Variants in CNTNAP3B observed in about 807,000 individuals in gnomAD.
CNTNAP3B encodes contactin-associated protein-like 3B.
In CNTNAP3B, 25 loss-of-function variants were observed where a neutral mutation model predicts 108.9. The ratio of observed to expected loss-of-function variants is 0.23; its 90% CI spans 0.17 to 0.32. The LOEUF (loss-of-function observed/expected upper bound fraction) is 0.32, where lower values mean the gene tolerates loss of function less well. Among genes scored for constraint, CNTNAP3B ranks in the 10% least tolerant of loss-of-function variants. The pLI is 1.00. For synonymous variants in CNTNAP3B, 103 were observed against 473.4 expected, an observed-to-expected ratio of 0.22 and a Z score of 10.16; for missense variants, 252 against 1,210.4, an observed-to-expected ratio of 0.21 and a Z score of 11.75.
Position 41,997,661 on chromosome 9 carries a change from C to T in CNTNAP3B, c.834G>A (p.Glu278=), listed in dbSNP as rs753547193. The part of the protein sequence containing the change: ...DDQHWHSVLI[E]LLDTQVNFTV... ...TGAAGTTGACCTGCGTGTCGAGGAGCTCGATGAGGACGGAATGCCAGTGCT... is the reference window on the plus strand; with the variant it reads ...TGAAGTTGACCTGCGTGTCGAGGAGTTCGATGAGGACGGAATGCCAGTGCT... Residue 278 remains glutamate (E), a synonymous_variant, in exon 6 of 24, where the codon GAG becomes GAA. Coordinates refer to ENST00000377561, the MANE Select transcript of CNTNAP3B (RefSeq NM_001201380.3). The T allele has an allele frequency of 6.2e-7, 1 of 1,606,472 alleles. No individual in the cohort carries two copies. The highest frequency in any genetic ancestry group is 1.4e-5 in the African/African-American group (1 of 72,864).
At chr9:41,977,330 C>A (rs1825539135) in intron 9 of CNTNAP3B, among the ~76,000 whole-genome samples, 2 of 150,102 alleles carry the variant, frequency 1.3e-5, no homozygotes, top group Admixed American at 1.3e-4. Flanking sequence ...CATTCTTATC[C>A]CTTTTAGTGC....
intron 14 of CNTNAP3B, among the ~76,000 whole-genome samples, chr9:41,935,247 G>C (rs1475465305): frequency 2.0e-5 from 3 of 152,184 alleles, no homozygotes; most frequent in African/African-American, 7.2e-5. Flanking sequence ...TTTTTTTTAA[G>C]TAATATGCTT....
Position 41,944,734 on chromosome 9 carries a change from G to A in CNTNAP3B, c.2081-6334C>T, listed in dbSNP as rs1348020138. 4.6e-5 allele frequency among the ~76,000 whole-genome samples: 7 copies of A among 152,140 alleles called. No homozygotes were observed. The East Asian group carries it at 1.2e-3, about 25-fold the overall frequency. On this transcript the variant is annotated intron_variant, in intron 13 of 23. Transcript: ENST00000377561. ...TAAACAGTCTAAATATACCAATTAA[G>A]AAAGCAATGGCAACAAAAGCCAAAA...
chr9:42,086,379 A>AAT (rs570448707), intron 2 of CNTNAP3B, among the ~76,000 whole-genome samples: 3,424 of 125,720 alleles, frequency 0.027, 167 homozygotes, highest in Non-Finnish European at 0.039. Flanking sequence ...TGTTGCTATG[A>AAT]ATATATATAT....
chr9:42,059,673 G>T (rs554854750), intron 3 of CNTNAP3B, among the ~76,000 whole-genome samples: 1 of 47,136 alleles, frequency 2.1e-5, no homozygotes, highest in African/African-American at 6.5e-5. Context: ...GCTCACTGCC[G>T]CCTGAACCTC....
chr9:41,959,697 C>CG (rs1825001042), intron 12 of CNTNAP3B, among the ~76,000 whole-genome samples: 1 of 152,312 alleles, frequency 6.6e-6, no homozygotes, highest in Non-Finnish European at 1.5e-5. Context: ...TTCTGAACAT[C>CG]CCCTGTAAAG....
intron 13 of CNTNAP3B, among the ~76,000 whole-genome samples, chr9:41,942,247 G>A (rs1224804440): frequency 1.7e-3 from 253 of 152,264 alleles, no homozygotes; most frequent in African/African-American, 5.3e-3. Context: ...AGGCCGAGGC[G>A]GGCAGATCAT....
intron 14 of CNTNAP3B, among the ~76,000 whole-genome samples, chr9:41,935,614 C>T (rs1490375561): frequency 6.6e-6 from 1 of 152,266 alleles, no homozygotes; most frequent in Non-Finnish European, 1.5e-5. Context: ...TAATTTCCCA[C>T]CCCCATACAC....
intron 12 of CNTNAP3B, among the ~76,000 whole-genome samples, chr9:41,958,134 G>A (rs1287233426): frequency 1.3e-5 from 2 of 152,062 alleles, no homozygotes; most frequent in African/African-American, 4.8e-5. Flanking sequence ...TGGAGACAAG[G>A]TCTTTCTCTG....
chr9:42,089,871 C>T (rs1361659390), intron 2 of CNTNAP3B, among the ~76,000 whole-genome samples: 16 of 140,002 alleles, frequency 1.1e-4, no homozygotes, highest in South Asian at 4.6e-4. Context: ...TTCAAACCCA[C>T]GGGCTTGCTC....
At position 42,030,161 on chromosome 9, in the gene CNTNAP3B, G is replaced by GA. The variant is rs1166013069; in HGVS notation, c.391-16637dup. Among the ~76,000 whole-genome samples the GA allele has an allele frequency of 1.5e-4, 13 of 88,782 alleles. No individual in the cohort carries two copies. In the South Asian group the frequency reaches 3.3e-3, roughly 22 times the overall value. 58.2% of individuals were successfully genotyped at this position (88,782 alleles called of 152,430 possible). Reference sequence around the variant, plus strand: ...TCTGTCTCAAAAAAAAAAAGAAAAAGAAAAAAAAAGAAGACTGAAATAAAA... The same window carrying GA: ...TCTGTCTCAAAAAAAAAAAGAAAAAGAAAAAAAAAAGAAGACTGAAATAAAA... On this transcript the variant is annotated intron_variant, in intron 3 of 23. Coordinates refer to ENST00000377561, the MANE Select transcript of CNTNAP3B (RefSeq NM_001201380.3).
At chr9:42,071,933 T>C (rs1341788175) in intron 3 of CNTNAP3B, among the ~76,000 whole-genome samples, 1 of 150,900 alleles carries the variant, frequency 6.6e-6, no homozygotes, top group Non-Finnish European at 1.5e-5. Flanking sequence ...ATGGGAAGGA[T>C]ATGGAGATAA....
intron 1 of CNTNAP3B, among the ~76,000 whole-genome samples, chr9:42,120,575 A>ATG (rs1828438815): frequency 7.2e-6 from 1 of 138,468 alleles, no homozygotes; most frequent in Non-Finnish European, 1.5e-5. Context: ...ACCAACCCAA[A>ATG]TGTCAATCAA....
intron 11 of CNTNAP3B, 148 bp from the exon 12 acceptor site, chr9:41,961,040 T>A: frequency 6.8e-7 from 1 of 1,465,476 alleles, no homozygotes; most frequent in Non-Finnish European, 9.0e-7. Flanking sequence ...TTTGATGAGA[T>A]GCAAGAAAAA....
At chr9:41,933,644 C>T (rs1048929062) in intron 14 of CNTNAP3B, among the ~76,000 whole-genome samples, 1 of 152,280 alleles carries the variant, frequency 6.6e-6, no homozygotes, top group East Asian at 1.9e-4. Context: ...TTACTGAACT[C>T]TCATTTTTCC....
rs1826608668 is a variant in CNTNAP3B at position 42,035,618 on chromosome 9, A to G, written c.391-22093T>C. 2.0e-5 allele frequency among the ~76,000 whole-genome samples: 3 copies of G among 149,356 alleles called. No individual in the cohort carries two copies. The South Asian group carries it at 6.4e-4, about 32-fold the overall frequency. On this transcript the variant is annotated intron_variant, in intron 3 of 23. Coordinates refer to ENST00000377561, the MANE Select transcript of CNTNAP3B (RefSeq NM_001201380.3). ...TGAGGAACAGTGCCTGACACATAGT[A>G]CACACAAAGTGTTCATTATCATTAT...
rs868612929 is a variant in CNTNAP3B, at chr9:42,034,126, C to T, written c.391-20601G>A. Among the ~76,000 whole-genome samples, 26 of 114,204 alleles carry T rather than the reference C, an allele frequency of 2.3e-4. 8 individuals carry two copies. In the Middle Eastern group the frequency reaches 0.012, roughly 54 times the overall value. The allele number at this position is 114,204 out of a possible 152,430, so 74.9% of individuals were successfully genotyped here. A position where few individuals can be genotyped will look rare whatever the true frequency, so the allele number is the denominator to read the frequency against. Reference sequence around the variant, plus strand: ...CATTTTTTCTTCTATTTCTATATATCGTCTATCTTTCTATGTGTACATAAT... The same window carrying T: ...CATTTTTTCTTCTATTTCTATATATTGTCTATCTTTCTATGTGTACATAAT... On this transcript the variant is annotated intron_variant, in intron 3 of 23. Coordinates refer to ENST00000377561, the MANE Select transcript of CNTNAP3B (RefSeq NM_001201380.3).
intron 12 of CNTNAP3B, among the ~76,000 whole-genome samples, chr9:41,958,484 C>A (rs1052119173): frequency 2.0e-5 from 3 of 151,834 alleles, no homozygotes; most frequent in African/African-American, 7.3e-5. Flanking sequence ...GTAACTGTAA[C>A]TGCTGTAAAG....
chr9:41,990,934 G>A (rs1010950325), intron 8 of CNTNAP3B, among the ~76,000 whole-genome samples: 1 of 138,848 alleles, frequency 7.2e-6, no homozygotes, highest in Non-Finnish European at 1.5e-5. Context: ...CCTGTGTGTG[G>A]GGTGGACATT....
Sources: allele counts gnomAD v4.1 joint callset (sites outside exome capture counted in the v4.1 genomes callset), GRCh38; gene constraint gnomAD v4.1.1; transcripts MANE v1.5; gene names NCBI Gene and HGNC (gene_info 2026-07-23, HGNC 2026-07-21).